The following PGCKA1 variants were observed in gnomAD, a reference collection of about 807,000 sequenced individuals.
PGCKA1 encodes PDCD10 and GCKIII kinases associated 1.
the PGCKA1 span, among the ~76,000 whole-genome samples, chr4:37,462,395 T>C: frequency 6.6e-6 from 1 of 152,212 alleles, no homozygotes; most frequent in Non-Finnish European, 1.5e-5. Context: ...CTTTGCAGGT[T>C]TTCTATTTGG....
the PGCKA1 span, among the ~76,000 whole-genome samples, chr4:37,530,026 A>C: frequency 6.6e-6 from 1 of 152,242 alleles, no homozygotes; most frequent in African/African-American, 2.4e-5. Flanking sequence ...TAAAGGATCA[A>C]AAAAGGCCTG....
At chr4:37,489,182 TATG>T in the PGCKA1 span, among the ~76,000 whole-genome samples, 2 of 152,226 alleles carry the variant, frequency 1.3e-5, no homozygotes, top group African/African-American at 4.8e-5. Context: ...TGCTGTATAA[TATG>T]ATGTCTGTAG....
the PGCKA1 span, among the ~76,000 whole-genome samples, chr4:37,592,353 GAAAAAA>G: frequency 9.2e-6 from 1 of 108,174 alleles, no homozygotes; most frequent in East Asian, 2.6e-4. Flanking sequence ...CCATCTCTAT[GAAAAAA>G]AAAAAAAAAA....
the PGCKA1 span, among the ~76,000 whole-genome samples, chr4:37,475,705 G>A: frequency 2.6e-5 from 4 of 151,822 alleles, no homozygotes; most frequent in Admixed American, 2.0e-4. Context: ...TTTGAAAATT[G>A]GAAATATCCT....
chr4:37,469,689 C>T, the PGCKA1 span, among the ~76,000 whole-genome samples: 69 of 152,286 alleles, frequency 4.5e-4, no homozygotes, highest in Non-Finnish European at 7.2e-4. Flanking sequence ...TTTCTCATTT[C>T]GTTCAGCTAT....
chr4:37,478,880 C>A, the PGCKA1 span, among the ~76,000 whole-genome samples: 936 of 152,246 alleles, frequency 6.1e-3, 9 homozygotes, highest in African/African-American at 0.021. Flanking sequence ...AAGTATGTCC[C>A]GTAAACATCT....
At chr4:37,462,388 T>G in the PGCKA1 span, among the ~76,000 whole-genome samples, 3 of 152,248 alleles carry the variant, frequency 2.0e-5, no homozygotes, top group Admixed American at 1.3e-4. Context: ...TAAAGCACTT[T>G]GCAGGTTTTC....
At chr4:37,524,428 AC>A in the PGCKA1 span, among the ~76,000 whole-genome samples, 2 of 152,194 alleles carry the variant, frequency 1.3e-5, no homozygotes, top group African/African-American at 4.8e-5. Flanking sequence ...GATACTCCCC[AC>A]CAGGGCCTCA....
At chr4:37,542,863 A>T in the PGCKA1 span, among the ~76,000 whole-genome samples, 1 of 152,174 alleles carries the variant, frequency 6.6e-6, no homozygotes, top group Admixed American at 6.5e-5. Context: ...CCACCCCACT[A>T]AATTATAAGC....
At chr4:37,570,287 C>T in the PGCKA1 span, among the ~76,000 whole-genome samples, 1 of 151,312 alleles carries the variant, frequency 6.6e-6, no homozygotes, top group Non-Finnish European at 1.5e-5. Context: ...CATGAGCCAC[C>T]GCGCCCGGCT....
At chr4:37,508,683 C>CTTTTTTTTTTTTTTTTTT in the PGCKA1 span, among the ~76,000 whole-genome samples, 6 of 84,844 alleles carry the variant, frequency 7.1e-5, no homozygotes, top group African/African-American at 3.1e-4. Flanking sequence ...TTTGCTGAAT[C>CTTTTTTTTTTTTTTTTTT]TTTTTTTTAG....
At chr4:37,479,242 A>C in the PGCKA1 span, among the ~76,000 whole-genome samples, 1 of 152,220 alleles carries the variant, frequency 6.6e-6, no homozygotes, top group Non-Finnish European at 1.5e-5. Flanking sequence ...ACTTAGATGC[A>C]ATATTAATAT....
At chr4:37,466,375 C>A in the PGCKA1 span, among the ~76,000 whole-genome samples, 2 of 152,134 alleles carry the variant, frequency 1.3e-5, no homozygotes, top group African/African-American at 4.8e-5. Context: ...AGATTAAAAG[C>A]ACACTCATAA....
At chr4:37,497,328 T>C in the PGCKA1 span, among the ~76,000 whole-genome samples, 1 of 152,200 alleles carries the variant, frequency 6.6e-6, no homozygotes, top group Non-Finnish European at 1.5e-5. Flanking sequence ...CCTTATCCAC[T>C]CGTTGATTGA....
At chr4:37,576,456 T>C in the PGCKA1 span, among the ~76,000 whole-genome samples, 1 of 152,166 alleles carries the variant, frequency 6.6e-6, no homozygotes, top group African/African-American at 2.4e-5. Context: ...CTTAATTTGC[T>C]TATCAGTTCT....
At chr4:37,526,355 C>G in the PGCKA1 span, among the ~76,000 whole-genome samples, 1 of 152,200 alleles carries the variant, frequency 6.6e-6, no homozygotes, top group Non-Finnish European at 1.5e-5. Flanking sequence ...TAATACCTTA[C>G]AAACACTTGG....
At chr4:37,479,619 G>A in the PGCKA1 span, among the ~76,000 whole-genome samples, 2 of 152,198 alleles carry the variant, frequency 1.3e-5, no homozygotes, top group Admixed American at 1.3e-4. Context: ...CGCTAACCAG[G>A]CAGGAGGCAC....
At chr4:37,479,390 TCA>T in the PGCKA1 span, among the ~76,000 whole-genome samples, 1 of 152,230 alleles carries the variant, frequency 6.6e-6, no homozygotes, top group Admixed American at 6.5e-5. Context: ...TAAAATTTTT[TCA>T]CATTGTGTTT....
At chr4:37,529,808 C>T in the PGCKA1 span, among the ~76,000 whole-genome samples, 12,440 of 152,246 alleles carry the variant, frequency 0.082, 651 homozygotes, top group Middle Eastern at 0.14. Context: ...ACCGTGCTAC[C>T]TCCAATGCTG....
Sources: allele counts gnomAD v4.1 joint callset (sites outside exome capture counted in the v4.1 genomes callset), GRCh38; gene constraint gnomAD v4.1.1; transcripts MANE v1.5; gene names NCBI Gene and HGNC (gene_info 2026-07-23, HGNC 2026-07-21).